SYNE1: variants seen among roughly 807,000 people sequenced by gnomAD.
SYNE1 encodes the protein spectrin repeat containing nuclear envelope protein 1.
Under a neutral mutation model 1,111.0 loss-of-function variants are expected in SYNE1, and 616 were observed. The observed-to-expected ratio is 0.55, with a 90% CI of 0.52 to 0.59. The LOEUF (loss-of-function observed/expected upper bound fraction) is 0.59. Among genes scored for constraint, SYNE1 ranks in the 20% least tolerant of loss-of-function variants. The pLI is 0.00. For synonymous variants in SYNE1, 3,855 were observed against 3,825.8 expected (o/e 1.01, Z -0.28); for missense variants, 10,006 against 10,417.0 (o/e 0.96, Z 1.72).
chr6:152,123,599 T>C (rs1454479817), intron 145 of SYNE1, among the ~76,000 whole-genome samples: 3 of 152,190 alleles, frequency 2.0e-5, no homozygotes, highest in Non-Finnish European at 4.4e-5. Context: ...TGAACAGCCA[T>C]TACCTTTTTT....
chr6:152,305,259 A>G (rs1163304485), intron 91 of SYNE1, among the ~76,000 whole-genome samples: 3 of 152,076 alleles, frequency 2.0e-5, no homozygotes, highest in South Asian at 2.1e-4. Flanking sequence ...CAACTTTTGA[A>G]AAAGTATTAT....
In SYNE1 at chr6:152,211,564, G is replaced by A. The variant is rs141278167; in HGVS notation, c.22519C>T (p.Arg7507Cys). 21 of 1,613,550 alleles carry A rather than the reference G, an allele frequency of 1.3e-5. No individual in the cohort carries two copies. Among genetic ancestry groups the A allele is most frequent in the Middle Eastern group, 1.6e-4 (1 of 6,082 alleles). Residue 7507 changes from arginine to cysteine, a missense_variant, in exon 124 of 146, where the codon CGT (arginine) becomes TGT (cysteine). Physicochemically the swap from Arg to Cys is radical, Grantham distance 180. Transcript: ENST00000367255. The part of the protein sequence containing the change: ...HELFQAEMFS[R>C]QQILHSIIID... ...ATGATTGAGTGCAAAATCTGCTGAC[G>A]ACTGAACATCTCGGCTTGAAACAAC...
rs569593372 is a variant in SYNE1, at chr6:152,360,592, T to C, written c.10300-1134A>G. On this transcript the variant is annotated intron_variant, in intron 64 of 145. Coordinates refer to ENST00000367255, the MANE Select transcript of SYNE1 (RefSeq NM_182961.4). ...GCAGTTAAAATTATTTATTTGTACA[T>C]TTATTACTGAGTGCATGCATCCCCA... Among the ~76,000 whole-genome samples, 9 of 152,338 alleles carry C rather than the reference T, an allele frequency of 5.9e-5. No individual in the cohort carries two copies. The South Asian group carries it at 1.5e-3, about 25-fold the overall frequency.
At chr6:152,350,427 GGTA>G in intron 71 of SYNE1, 92 bp from the exon 72 acceptor site, 1 of 1,559,188 alleles carries the variant, frequency 6.4e-7, no homozygotes, top group Non-Finnish European at 8.8e-7. Flanking sequence ...CAACTCACAG[GGTA>G]GTTAGAGCTA....
At chr6:152,324,744 T>C (rs1399225668) in intron 81 of SYNE1, among the ~76,000 whole-genome samples, 1 of 152,036 alleles carries the variant, frequency 6.6e-6, no homozygotes, top group Non-Finnish European at 1.5e-5. Flanking sequence ...GAGCTTGCAG[T>C]GAGCCGAGAT....
In SYNE1 at chr6:152,321,892, G is replaced by A; in HGVS notation, c.15918-6C>T. On this transcript the variant is annotated splice_region_variant and splice_polypyrimidine_tract_variant and intron_variant, in intron 82 of 145. Coordinates refer to ENST00000367255, the MANE Select transcript of SYNE1 (RefSeq NM_182961.4). Reference sequence around the variant, plus strand: ...TCTTCACTTTCTCCTGCATGCTTCAGAAACATTACAGGGATAAAACAGAAG... The same window carrying A: ...TCTTCACTTTCTCCTGCATGCTTCAAAAACATTACAGGGATAAAACAGAAG... 2 of 1,613,966 alleles carry A rather than the reference G, an allele frequency of 1.2e-6. No individual in the cohort carries two copies. The highest frequency in any genetic ancestry group is 1.7e-6 in the Non-Finnish European group (2 of 1,179,970).
chr6:152,394,970 A>G (rs918845879), intron 51 of SYNE1, among the ~76,000 whole-genome samples: 3 of 151,924 alleles, frequency 2.0e-5, no homozygotes, highest in African/African-American at 7.3e-5. Flanking sequence ...TTTAGTAGAG[A>G]CAGGGTTTCA....
rs185730069 is a variant in SYNE1 at position 152,613,456 on chromosome 6, G to A, written c.67+14809C>T. On this transcript the variant is annotated intron_variant, in intron 3 of 145. Coordinates refer to ENST00000367255, the MANE Select transcript of SYNE1 (RefSeq NM_182961.4). ...CCAACTTACAAGGGATGTGAAGGAC[G>A]TCTTCAAGGAGAACTACAAACCACT... Among the ~76,000 whole-genome samples, 671 of 152,176 alleles carry A rather than the reference G, an allele frequency of 4.4e-3. 6 individuals are homozygous for A. Among genetic ancestry groups the A allele is most frequent in the African/African-American group, 0.015 (633 of 41,524 alleles).
intron 3 of SYNE1, among the ~76,000 whole-genome samples, chr6:152,601,675 C>T (rs547879946): frequency 7.9e-5 from 12 of 152,136 alleles, no homozygotes; most frequent in Non-Finnish European, 1.3e-4. Flanking sequence ...ATCATTGAAA[C>T]GCTTGCAGAA....
chr6:152,428,457 GACAC>G, intron 36 of SYNE1, 65 bp from the exon 37 acceptor site: 1 of 1,550,538 alleles, frequency 6.4e-7, no homozygotes, highest in East Asian at 2.3e-5. Context: ...ATTTTTCTTT[GACAC>G]CGATCATCGC....
At chr6:152,460,924 T>C (rs1395515820) in intron 21 of SYNE1, among the ~76,000 whole-genome samples, 2 of 148,628 alleles carry the variant, frequency 1.3e-5, no homozygotes, top group Admixed American at 1.4e-4. Context: ...GTGATTCTCC[T>C]GCCTCAGGCT....
chr6:152,508,468 A>G (rs1388342692), intron 8 of SYNE1, among the ~76,000 whole-genome samples: 2 of 152,206 alleles, frequency 1.3e-5, no homozygotes, highest in Admixed American at 6.5e-5. Context: ...ATGAAACTAA[A>G]TTAAATGCTG....
rs9397502 is a variant in SYNE1 at position 152,325,529 on chromosome 6, A to T, written c.15439-227T>A. On this transcript the variant is annotated intron_variant, in intron 80 of 145. Coordinates refer to ENST00000367255, the MANE Select transcript of SYNE1 (RefSeq NM_182961.4). Reference sequence around the variant, plus strand: ...TGAATATTATTTATTTATTAAAAACAAAAGTGTATTTTGCTACTTGAGATG... The same window carrying T: ...TGAATATTATTTATTTATTAAAAACTAAAGTGTATTTTGCTACTTGAGATG... Among the ~76,000 whole-genome samples the T allele has an allele frequency of 3.2e-3, 487 of 152,340 alleles. 10 individuals are homozygous for T. In the East Asian group the frequency reaches 0.043, roughly 13 times the overall value.
chr6:152,326,247 G>A (rs2096064847), intron 79 of SYNE1, 49 bp downstream of exon 79: 1 of 1,612,636 alleles, frequency 6.2e-7, no homozygotes, highest in African/African-American at 1.3e-5. Flanking sequence ...TACTTTCAGT[G>A]TGGAAATTCA....
chr6:152,220,800 A>C (rs749995174), intron 119 of SYNE1, 42 bp downstream of exon 119: 1 of 1,582,124 alleles, frequency 6.3e-7, no homozygotes, highest in Non-Finnish European at 8.7e-7. Context: ...TGGGCAGTCT[A>C]AGAAGGGCAT....
Position 152,148,519 on chromosome 6 carries a change from G to T in SYNE1, c.24643-141C>A. ...AATCTTCTGATCACAGAAATACAGGGGACAGTGCTGCTCTAGAGTTTGACT... is the reference window on the plus strand; with the variant it reads ...AATCTTCTGATCACAGAAATACAGGTGACAGTGCTGCTCTAGAGTTTGACT... On this transcript the variant is annotated intron_variant, in intron 136 of 145. Transcript: ENST00000367255. The surrounding 1 kb of genome is among the most constrained non-coding windows in gnomAD (Gnocchi z 4.1). The T allele has an allele frequency of 1.3e-6, 1 of 752,294 alleles. No homozygotes were observed. Among genetic ancestry groups the T allele is most frequent in the Non-Finnish European group, 2.2e-6 (1 of 446,866 alleles). The allele number at this position is 752,294 out of a possible 1,614,324, so 46.6% of individuals were successfully genotyped here. A position where few individuals can be genotyped will look rare whatever the true frequency, so the allele number is the denominator to read the frequency against.
intron 3 of SYNE1, among the ~76,000 whole-genome samples, chr6:152,568,289 C>CTTTTT (rs10601350): frequency 1.2e-4 from 10 of 80,284 alleles, no homozygotes; most frequent in African/African-American, 3.0e-4. Flanking sequence ...TTATTTTATT[C>CTTTTT]TTTTTTTTTT....
chr6:152,132,021 G>C (rs1321396710), intron 144 of SYNE1, 101 bp downstream of exon 144: 1 of 1,086,596 alleles, frequency 9.2e-7, no homozygotes, highest in Admixed American at 1.7e-5. Context: ...GCCCTCCTCT[G>C]GAGGGGACGC....
At chr6:152,362,755 G>A (rs754779974) in intron 63 of SYNE1, among the ~76,000 whole-genome samples, 3 of 152,158 alleles carry the variant, frequency 2.0e-5, no homozygotes, top group Non-Finnish European at 4.4e-5. Context: ...ACCACCTTAC[G>A]TGAGATTAAA....
Sources: gnomAD v4.1 joint callset for allele counts (sites outside exome capture counted in the v4.1 genomes callset) on GRCh38, gnomAD v4.1.1 for gene constraint, Gnocchi (gnomAD v3.1) non-coding constraint, MANE v1.5 for transcripts, NCBI Gene and HGNC (gene_info 2026-07-23, HGNC 2026-07-21) for gene names.